The following SAMSN1 variants were observed in gnomAD, a reference collection of about 807,000 sequenced individuals.
SAMSN1 encodes the protein SAM domain, SH3 domain and nuclear localization signals 1, also known as SAM domain-containing protein SAMSN-1.
A neutral mutation model predicts 42.0 loss-of-function variants in SAMSN1; 31 were observed. The ratio of observed to expected loss-of-function variants is 0.74; its 90% CI spans 0.55 to 1.00. SAMSN1 has a LOEUF of 1.00. Ranked by LOEUF, SAMSN1 falls within the 50% of genes least tolerant of loss-of-function variation. The pLI is 0.00. For missense variants in SAMSN1, 464 were observed against 439.4 expected (o/e 1.06, Z -0.50); for synonymous variants, 178 against 151.9 (o/e 1.17, Z -1.26).
At chr21:14,529,768 A>G (rs1392255212) in intron 1 of SAMSN1, among the ~76,000 whole-genome samples, 1 of 152,214 alleles carries the variant, frequency 6.6e-6, no homozygotes, top group Non-Finnish European at 1.5e-5. Context: ...AATGTATAGT[A>G]GATGTCAACT....
rs1987706463 is a variant in SAMSN1, at chr21:14,512,017, AG to A, written c.409+426del. On this transcript the variant is annotated intron_variant, in intron 4 of 7. Coordinates refer to ENST00000400566, the MANE Select transcript of SAMSN1 (RefSeq NM_022136.5). ...GAAAGTGGTCGGGGGAGAAAGAATG[AG>A]GGGGACGCAGGGAAGAGGAAGGGAG... is the stretch of plus-strand genomic sequence containing the variant. 5.3e-5 allele frequency among the ~76,000 whole-genome samples: 8 copies of A among 152,180 alleles called. No individual in the cohort carries two copies. In the South Asian group the frequency reaches 1.7e-3, roughly 32 times the overall value.
chr21:14,521,360 T>C (rs1345790230), intron 1 of SAMSN1, 139 bp from the exon 2 acceptor site: 2 of 569,212 alleles, frequency 3.5e-6, no homozygotes, highest in Non-Finnish European at 6.3e-6. Flanking sequence ...CTCTGGAATA[T>C]CCAAAGGCTG....
At chr21:14,503,402 TGAA>T (rs1316319809) in intron 5 of SAMSN1, among the ~76,000 whole-genome samples, 1 of 152,180 alleles carries the variant, frequency 6.6e-6, no homozygotes, top group Non-Finnish European at 1.5e-5. Flanking sequence ...CACAAGGAAC[TGAA>T]TTCTGTCAAA....
chr21:14,518,977 T>G (rs1170752307), intron 2 of SAMSN1, among the ~76,000 whole-genome samples: 1 of 152,190 alleles, frequency 6.6e-6, no homozygotes, highest in East Asian at 1.9e-4. Flanking sequence ...TTCAGAAAAA[T>G]GTACCACACA....
chr21:14,589,316 G>A (rs1982012411), intron 7 of SAMSN1, among the ~76,000 whole-genome samples: 1 of 151,760 alleles, frequency 6.6e-6, no homozygotes, highest in Non-Finnish European at 1.5e-5. Flanking sequence ...AATAGAGTTG[G>A]GATGGAAATC....
intron 3 of SAMSN1, among the ~76,000 whole-genome samples, chr21:14,513,301 T>C (rs1480983441): frequency 6.6e-6 from 1 of 152,232 alleles, no homozygotes; most frequent in East Asian, 1.9e-4. Context: ...TTCTAAACAT[T>C]GATAAAACTT....
At position 14,592,585 on chromosome 21, in the gene SAMSN1, G is replaced by A. The variant is rs764888781; in HGVS notation, c.465+1428C>T. The A allele has an allele frequency of 2.6e-4, 88 of 337,176 alleles. 1 individual carries two copies. Among genetic ancestry groups the A allele is most frequent in the Admixed American group, 9.7e-4 (25 of 25,774 alleles). 20.9% of individuals were successfully genotyped at this position (337,176 alleles called of 1,614,324 possible). On this transcript the variant is annotated intron_variant, in intron 7 of 15. Coordinates refer to the SAMSN1 transcript ENST00000647101. ...ATTCATTGTTCCTCAAATATCCTTG[G>A]GGACATTTGACTACATAAGTATCTT...
At chr21:14,511,658 T>C (rs375976489) in intron 4 of SAMSN1, among the ~76,000 whole-genome samples, 3 of 152,144 alleles carry the variant, frequency 2.0e-5, no homozygotes, top group South Asian at 4.1e-4. Flanking sequence ...TTAAAAACCC[T>C]GAAAAGATTA....
intron 5 of SAMSN1, among the ~76,000 whole-genome samples, chr21:14,506,155 C>T (rs1388768275): frequency 1.3e-5 from 2 of 151,962 alleles, no homozygotes; most frequent in African/African-American, 4.8e-5. Flanking sequence ...TAAGGTGACA[C>T]CTCAAGGAAC....
At chr21:14,564,558 C>A (rs946717933) in intron 2 of SAMSN1, among the ~76,000 whole-genome samples, 2 of 152,152 alleles carry the variant, frequency 1.3e-5, no homozygotes, top group Non-Finnish European at 2.9e-5. Context: ...TACCACACAG[C>A]CAAACCTGTC....
chr21:14,637,836 A>G (rs537132747), intron 2 of SAMSN1, among the ~76,000 whole-genome samples: 2 of 152,316 alleles, frequency 1.3e-5, no homozygotes, highest in South Asian at 4.1e-4. Context: ...CTTAACACAA[A>G]TTATATTCTC....
intron 1 of SAMSN1, chr21:14,523,257 A>C (rs2822722): frequency 0.28 from 42,012 of 152,034 alleles, 6,647 homozygotes; most frequent in Non-Finnish European, 0.35. Context: ...GAACTGAAAT[A>C]AAAAGATCCT....
intron 5 of SAMSN1, among the ~76,000 whole-genome samples, chr21:14,606,307 T>A (rs1982570898): frequency 1.3e-5 from 2 of 152,338 alleles, no homozygotes; most frequent in South Asian, 4.1e-4. Flanking sequence ...GTTACACTGA[T>A]TGATTGAAAA....
intron 2 of SAMSN1, chr21:14,642,982 C>T (rs1411188484): frequency 1.4e-6 from 1 of 715,508 alleles, no homozygotes; most frequent in Admixed American, 2.0e-5. Flanking sequence ...AAAATCCACT[C>T]CAGTCAATGC....
At chr21:14,645,264 C>A (rs1357879318) in intron 1 of SAMSN1, among the ~76,000 whole-genome samples, 2 of 152,224 alleles carry the variant, frequency 1.3e-5, no homozygotes, top group Non-Finnish European at 2.9e-5. Context: ...GCAGTGGTAG[C>A]CACAGGGGTG....
intron 1 of SAMSN1, among the ~76,000 whole-genome samples, chr21:14,643,682 C>A (rs145908333): frequency 5.3e-4 from 81 of 152,308 alleles, no homozygotes; most frequent in African/African-American, 1.9e-3. Context: ...ACTATCTACA[C>A]AGAAAAACAA....
intron 1 of SAMSN1, among the ~76,000 whole-genome samples, chr21:14,527,368 G>A (rs1429645826): frequency 6.6e-6 from 1 of 152,176 alleles, no homozygotes; most frequent in Non-Finnish European, 1.5e-5. Context: ...TCAGTGTCAC[G>A]TGGTACCAGT....
intron 1 of SAMSN1, among the ~76,000 whole-genome samples, chr21:14,521,808 T>C (rs542028020): frequency 6.6e-6 from 1 of 151,944 alleles, no homozygotes; most frequent in South Asian, 2.1e-4. Context: ...CAAAACACCA[T>C]GGCACATGTT....
chr21:14,630,471 A>T (rs1983300771), intron 2 of SAMSN1, among the ~76,000 whole-genome samples: 1 of 152,028 alleles, frequency 6.6e-6, no homozygotes, highest in African/African-American at 2.4e-5. Context: ...CTAGGAAATA[A>T]AAAAAAGAAC....
Sources: gnomAD v4.1 joint callset for allele counts (sites outside exome capture counted in the v4.1 genomes callset) on GRCh38, gnomAD v4.1.1 for gene constraint, MANE v1.5 for transcripts, NCBI Gene and HGNC (gene_info 2026-07-23, HGNC 2026-07-21) for gene names.